FAM174B: variants seen among roughly 807,000 people sequenced by gnomAD.
FAM174B encodes the protein family with sequence similarity 174 member B.
Under a neutral mutation model 10.9 loss-of-function variants are expected in FAM174B, and 12 were observed. That is an observed-to-expected ratio of 1.10 (90% CI 0.71 to 1.79). The LOEUF (loss-of-function observed/expected upper bound fraction) is 1.79. Among genes scored for constraint, FAM174B ranks in the 40% most tolerant of loss-of-function variants. FAM174B has a pLI of 0.00. For missense variants in FAM174B, 266 were observed against 233.3 expected (o/e 1.14, Z -0.91); for synonymous variants, 132 against 115.8 (o/e 1.14, Z -0.90).
At chr15:92,631,728 C>A (rs1356092958) in intron 1 of FAM174B, among the ~76,000 whole-genome samples, 1 of 151,170 alleles carries the variant, frequency 6.6e-6, no homozygotes, top group Admixed American at 6.7e-5. Context: ...GATCTCCTGA[C>A]CTCGTGATCT....
At chr15:92,653,921 G>A (rs1040189029) in intron 1 of FAM174B, among the ~76,000 whole-genome samples, 11 of 152,254 alleles carry the variant, frequency 7.2e-5, no homozygotes, top group African/African-American at 2.7e-4. Flanking sequence ...CCTAGGTAGT[G>A]GCCACAGAGA....
At chr15:92,631,431 TAATATATTA>T (rs2050815734) in intron 1 of FAM174B, among the ~76,000 whole-genome samples, 1 of 44,878 alleles carries the variant, frequency 2.2e-5, no homozygotes, top group Non-Finnish European at 3.9e-5. Context: ...ATATATAATA[TAATATATTA>T]TATATATAAC....
At chr15:92,635,153 A>C (rs1260605652) in intron 1 of FAM174B, among the ~76,000 whole-genome samples, 6 of 86,486 alleles carry the variant, frequency 6.9e-5, no homozygotes, top group African/African-American at 1.3e-4. Context: ...TTCGCTCACT[A>C]TCTCTCCACA....
At chr15:92,630,618 A>G (rs917137027) in intron 1 of FAM174B, among the ~76,000 whole-genome samples, 3 of 151,316 alleles carry the variant, frequency 2.0e-5, no homozygotes, top group Non-Finnish European at 4.4e-5. Flanking sequence ...CTAACCCTTA[A>G]AGCAGAGGTC....
At chr15:92,646,237 C>T (rs1224528412) in intron 1 of FAM174B, among the ~76,000 whole-genome samples, 2 of 152,152 alleles carry the variant, frequency 1.3e-5, no homozygotes, top group Non-Finnish European at 2.9e-5. Context: ...TAGAGAAGCC[C>T]TGTGATTACT....
In FAM174B at chr15:92,617,716, C is replaced by G. The variant is rs1567040760; in HGVS notation, c.*1740G>C. On this transcript the variant is annotated 3_prime_UTR_variant, in exon 3 of 3. Transcript: ENST00000327355. ...GAGGTGGCCAGGCTCCCGTGAGTCA[C>G]CACTCAGGCCTGAGTACACCGTGGA... The G allele has an allele frequency of 1.5e-6, 1 of 680,938 alleles. No homozygotes were observed. Among genetic ancestry groups the G allele is most frequent in the East Asian group, 2.9e-5 (1 of 34,786 alleles). The allele number at this position is 680,938 out of a possible 1,614,324, so 42.2% of individuals were successfully genotyped here. A position where few individuals can be genotyped will look rare whatever the true frequency, so the allele number is the denominator to read the frequency against.
Position 92,650,082 on chromosome 15 carries a change from A to C in FAM174B, c.344+5234T>G, listed in dbSNP as rs551213846. Among the ~76,000 whole-genome samples the C allele has an allele frequency of 2.0e-4, 30 of 152,370 alleles. No individual in the cohort carries two copies. In the South Asian group the frequency reaches 3.1e-3, roughly 16 times the overall value. ...AAATAATATTGATATACCATGAAAT[A>C]ATAAGCAATGACAAAAAAATTTTTA... On this transcript the variant is annotated intron_variant, in intron 1 of 2. Coordinates refer to ENST00000327355, the MANE Select transcript of FAM174B (RefSeq NM_207446.3).
At chr15:92,622,130 C>G (rs1274787476) in intron 2 of FAM174B, among the ~76,000 whole-genome samples, 1 of 152,216 alleles carries the variant, frequency 6.6e-6, no homozygotes. Context: ...CTGAAATTCA[C>G]CTCCGTAAGT....
rs1331810001 is a variant in FAM174B, at chr15:92,649,808, ACT to A, written c.344+5506_344+5507del. Reference sequence around the variant, plus strand: ...GGCAAAATCCTTCGGCTTGCTCTCTACTCTCTTTTTTAAAGAATCTGGATTTT... The same window carrying A: ...GGCAAAATCCTTCGGCTTGCTCTCTACTCTTTTTTAAAGAATCTGGATTTT... On this transcript the variant is annotated intron_variant, in intron 1 of 2. Transcript: ENST00000327355. Among the ~76,000 whole-genome samples the A allele has an allele frequency of 5.9e-5, 9 of 152,186 alleles. No homozygotes were observed. The East Asian group carries it at 1.2e-3, about 20-fold the overall frequency.
chr15:92,635,571 ATTTC>A (rs1176725088), intron 1 of FAM174B, among the ~76,000 whole-genome samples: 26 of 140,824 alleles, frequency 1.8e-4, no homozygotes, highest in African/African-American at 3.2e-4. Flanking sequence ...ATCTTCACAT[ATTTC>A]TTTCTTTTTT....
chr15:92,655,247 G>A (rs1567052234), intron 1 of FAM174B, 69 bp downstream of exon 1: 2 of 1,439,898 alleles, frequency 1.4e-6, no homozygotes, highest in Non-Finnish European at 9.1e-7. Flanking sequence ...GGGCGGGCGC[G>A]CGGCGACAGC....
intron 2 of FAM174B, among the ~76,000 whole-genome samples, chr15:92,624,028 A>G (rs2050737128): frequency 6.6e-6 from 1 of 152,046 alleles, no homozygotes; most frequent in Admixed American, 6.5e-5. Flanking sequence ...ATCCTCATAG[A>G]CATAGACACA....
Position 92,622,896 on chromosome 15 carries a change from A to C in FAM174B, c.477-3437T>G. ...CATGCTTGGCCAGGTGCGGTACCTC[A>C]CACCTGCCCAGCATTTCGGGAGGCC... On this transcript the variant is annotated intron_variant, in intron 2 of 2. Transcript: ENST00000327355. Among the ~76,000 whole-genome samples, 2 of 152,042 alleles carry C rather than the reference A, an allele frequency of 1.3e-5. 1 individual carries two copies. Among genetic ancestry groups the C allele is most frequent in the Non-Finnish European group, 2.9e-5 (2 of 67,984 alleles).
intron 2 of FAM174B, among the ~76,000 whole-genome samples, chr15:92,621,716 G>A (rs2050720690): frequency 6.6e-6 from 1 of 152,126 alleles, no homozygotes; most frequent in East Asian, 1.9e-4. Context: ...TCCAAGTTGT[G>A]CAGGAGGCTG....
intron 1 of FAM174B, among the ~76,000 whole-genome samples, chr15:92,647,252 C>T (rs2050934428): frequency 1.3e-5 from 2 of 152,202 alleles, no homozygotes; most frequent in Non-Finnish European, 1.5e-5. Context: ...CTGGAAGAAC[C>T]TCTTCTTCCT....
chr15:92,619,028 A>G lies in FAM174B; in HGVS notation c.*428T>C. 1 of 429,676 alleles carries G rather than the reference A, an allele frequency of 2.3e-6. No homozygotes were observed. Among genetic ancestry groups the G allele is most frequent in the Admixed American group, 3.9e-5 (1 of 25,668 alleles). The allele number at this position is 429,676 out of a possible 1,614,324, so 26.6% of individuals were successfully genotyped here. ...GTCCAATGTGTAGATCCAGTAGAGA[A>G]GAATGTCGGAAATTCTAAATACACA... On this transcript the variant is annotated 3_prime_UTR_variant, in exon 3 of 3. Transcript: ENST00000327355.
intron 1 of FAM174B, among the ~76,000 whole-genome samples, chr15:92,648,611 A>G (rs2141964313): frequency 6.6e-6 from 1 of 151,982 alleles, no homozygotes; most frequent in South Asian, 2.1e-4. Context: ...AAGCCTCCCC[A>G]CTCTGGGCCT....
intron 2 of FAM174B, among the ~76,000 whole-genome samples, chr15:92,620,434 C>T (rs1946546070): frequency 6.6e-6 from 1 of 152,144 alleles, no homozygotes; most frequent in Admixed American, 6.5e-5. Flanking sequence ...GGAGGCAGAG[C>T]TCGCAGTGAG....
At chr15:92,640,652 T>C (rs990112206) in intron 1 of FAM174B, among the ~76,000 whole-genome samples, 3 of 150,394 alleles carry the variant, frequency 2.0e-5, no homozygotes, top group Non-Finnish European at 4.4e-5. Context: ...TGTTTTTTGG[T>C]TTTTGTTTTT....
Sources: allele counts gnomAD v4.1 joint callset (sites outside exome capture counted in the v4.1 genomes callset), GRCh38; gene constraint gnomAD v4.1.1; transcripts MANE v1.5; gene names NCBI Gene and HGNC (gene_info 2026-07-23, HGNC 2026-07-21).